The following KCNQ5 variants were observed in gnomAD, a reference collection of about 807,000 sequenced individuals.
The protein encoded by KCNQ5 is potassium voltage-gated channel subfamily Q member 5.
KCNQ5 carries 30 observed loss-of-function variants against 98.2 expected under a neutral mutation model. The observed-to-expected ratio is 0.31, with a 90% CI of 0.23 to 0.41. KCNQ5 has a LOEUF of 0.41. KCNQ5 is among the 10% of genes least tolerant of loss of function. The probability of loss-of-function intolerance (pLI) is 1.00; values close to 1 mark genes in which losing one functional copy is unlikely to be tolerated. For synonymous variants in KCNQ5, 458 were observed against 449.4 expected (o/e 1.02, Z -0.24); for missense variants, 835 against 1,182.5 (o/e 0.71, Z 4.31).
intron 1 of KCNQ5, among the ~76,000 whole-genome samples, chr6:72,887,400 T>C (rs1778887897): frequency 6.6e-6 from 1 of 152,060 alleles, no homozygotes; most frequent in African/African-American, 2.4e-5. Context: ...CCCACCCCCA[T>C]AATTCAATCA....
intron 1 of KCNQ5, among the ~76,000 whole-genome samples, chr6:72,825,082 G>GA (rs1427083725): frequency 1.3e-5 from 2 of 151,766 alleles, no homozygotes; most frequent in Non-Finnish European, 2.9e-5. Flanking sequence ...CATCTGTCCT[G>GA]AAACTGCCAG....
chr6:72,959,027 C>T (rs866756632), intron 1 of KCNQ5, among the ~76,000 whole-genome samples: 3 of 152,320 alleles, frequency 2.0e-5, no homozygotes, highest in African/African-American at 7.2e-5. Context: ...TATATCTCAA[C>T]ACTTAGAATA....
At chr6:72,809,145 A>G (rs1281692127) in intron 1 of KCNQ5, among the ~76,000 whole-genome samples, 2 of 150,068 alleles carry the variant, frequency 1.3e-5, no homozygotes, top group Admixed American at 6.6e-5. Context: ...CGCAAGAACA[A>G]AAAACCAAAC....
chr6:72,716,147 A>G (rs1046149182), intron 1 of KCNQ5, among the ~76,000 whole-genome samples: 1 of 152,206 alleles, frequency 6.6e-6, no homozygotes, highest in Non-Finnish European at 1.5e-5. Context: ...AGGAATTCCA[A>G]CTGATTTTTC....
intron 11 of KCNQ5, among the ~76,000 whole-genome samples, chr6:73,183,834 A>T (rs1778481935): frequency 6.6e-6 from 1 of 152,240 alleles, no homozygotes; most frequent in South Asian, 2.1e-4. Context: ...TTCACAGAGT[A>T]TGATGGCTAA....
At chr6:73,032,934 C>T (rs1771217984) in intron 2 of KCNQ5, among the ~76,000 whole-genome samples, 2 of 152,122 alleles carry the variant, frequency 1.3e-5, no homozygotes, top group African/African-American at 4.8e-5. Context: ...AAGCCTAAGA[C>T]ATCCTGTGCC....
chr6:72,810,964 G>A (rs1340145395), intron 1 of KCNQ5, among the ~76,000 whole-genome samples: 3 of 152,124 alleles, frequency 2.0e-5, no homozygotes, highest in Admixed American at 6.5e-5. Flanking sequence ...GGTTCTCCTT[G>A]GTACAGAGTA....
chr6:73,001,489 C>T (rs936566481), intron 1 of KCNQ5, among the ~76,000 whole-genome samples: 11 of 152,154 alleles, frequency 7.2e-5, no homozygotes, highest in African/African-American at 1.4e-4. Context: ...AGATGTGTTT[C>T]GAGCACAGAC....
intron 1 of KCNQ5, among the ~76,000 whole-genome samples, chr6:72,698,052 C>T (rs923427999): frequency 6.6e-6 from 1 of 151,974 alleles, no homozygotes; most frequent in African/African-American, 2.4e-5. Flanking sequence ...CCTTTCTCTA[C>T]AAAAATAAAC....
chr6:73,076,578 A>G (rs541276749), intron 3 of KCNQ5, among the ~76,000 whole-genome samples: 1 of 152,276 alleles, frequency 6.6e-6, no homozygotes, highest in African/African-American at 2.4e-5. Flanking sequence ...TAATGTCAAT[A>G]TGTCAAACAT....
chr6:72,752,021 G>T (rs77956652), intron 1 of KCNQ5, among the ~76,000 whole-genome samples: 5 of 152,150 alleles, frequency 3.3e-5, no homozygotes, highest in African/African-American at 9.6e-5. Context: ...TTTGGATTTG[G>T]TTTTTGCTAT....
chr6:72,812,234 C>T (rs1775279613), intron 1 of KCNQ5, among the ~76,000 whole-genome samples: 1 of 152,072 alleles, frequency 6.6e-6, no homozygotes, highest in Non-Finnish European at 1.5e-5. Context: ...GATACTAGTC[C>T]TGCCGACCTC....
chr6:72,885,976 T>G (rs945840216), intron 1 of KCNQ5, among the ~76,000 whole-genome samples: 2 of 152,100 alleles, frequency 1.3e-5, no homozygotes, highest in Non-Finnish European at 2.9e-5. Flanking sequence ...ATCTGTGTGT[T>G]CCCCCAAACC....
At chr6:72,831,412 A>T (rs926841693) in intron 1 of KCNQ5, among the ~76,000 whole-genome samples, 18 of 152,188 alleles carry the variant, frequency 1.2e-4, no homozygotes, top group African/African-American at 4.3e-4. Context: ...AAAAAGGATG[A>T]GTTCATGTCC....
At chr6:72,809,551 CAAA>C (rs5877335) in intron 1 of KCNQ5, among the ~76,000 whole-genome samples, 1 of 131,036 alleles carries the variant, frequency 7.6e-6, no homozygotes. Flanking sequence ...GACTCCGTCT[CAAA>C]AAAAAAAAAA....
intron 1 of KCNQ5, among the ~76,000 whole-genome samples, chr6:72,652,057 G>A (rs1436827163): frequency 6.6e-6 from 1 of 151,904 alleles, no homozygotes; most frequent in East Asian, 1.9e-4. Context: ...TCCTTCTCCT[G>A]TCTCAATGCT....
chr6:72,877,826 T>G (rs9342980), intron 1 of KCNQ5, among the ~76,000 whole-genome samples: 42,791 of 152,210 alleles, frequency 0.28, 6,155 homozygotes, highest in Non-Finnish European at 0.29. Flanking sequence ...ATGATGAGCT[T>G]TTGTTCATAT....
At chr6:72,753,323 G>A (rs757862823) in intron 1 of KCNQ5, among the ~76,000 whole-genome samples, 23 of 151,920 alleles carry the variant, frequency 1.5e-4, no homozygotes, top group Non-Finnish European at 2.6e-4. Flanking sequence ...CATTTTACAG[G>A]TATACCATAA....
chr6:73,029,060 T>C (rs1470773033), intron 2 of KCNQ5, among the ~76,000 whole-genome samples: 3 of 152,116 alleles, frequency 2.0e-5, no homozygotes, highest in Admixed American at 6.6e-5. Flanking sequence ...GTGTGCATAA[T>C]GGGTGGCAAG....
Sources: allele counts gnomAD v4.1 joint callset (sites outside exome capture counted in the v4.1 genomes callset), GRCh38; gene constraint gnomAD v4.1.1; transcripts MANE v1.5; gene names NCBI Gene and HGNC (gene_info 2026-07-23, HGNC 2026-07-21).